The following WDR70 variants were observed in gnomAD, a reference collection of about 807,000 sequenced individuals.
The protein encoded by WDR70 is WD repeat domain 70.
In WDR70, 53 loss-of-function variants were observed where a neutral mutation model predicts 88.6. The ratio of observed to expected loss-of-function variants is 0.60; its 90% CI spans 0.48 to 0.75. The LOEUF is 0.75. WDR70 is among the 30% of genes least tolerant of loss of function. The pLI is 0.00. For missense variants in WDR70, 610 were observed against 823.2 expected, an observed-to-expected ratio of 0.74 and a Z score of 3.17; for synonymous variants, 280 against 270.0, an observed-to-expected ratio of 1.04 and a Z score of -0.36.
chr5:37,635,273 G>T (rs959787758), intron 10 of WDR70, among the ~76,000 whole-genome samples: 11 of 152,142 alleles, frequency 7.2e-5, no homozygotes, highest in Admixed American at 6.6e-5. Context: ...GTATGTGTGT[G>T]GACTGATTTT....
At chr5:37,627,003 CT>C (rs967306118) in intron 10 of WDR70, among the ~76,000 whole-genome samples, 3 of 151,920 alleles carry the variant, frequency 2.0e-5, no homozygotes, top group Non-Finnish European at 4.4e-5. Context: ...ATTTGAGTCT[CT>C]TTTTTTCTTT....
chr5:37,673,562 T>G (rs1412470495), intron 10 of WDR70, among the ~76,000 whole-genome samples: 1 of 149,004 alleles, frequency 6.7e-6, no homozygotes, highest in African/African-American at 2.5e-5. Flanking sequence ...CATGAGCGCC[T>G]GCTATTTTTT....
intron 17 of WDR70, among the ~76,000 whole-genome samples, chr5:37,728,922 A>T (rs1373694620): frequency 1.3e-5 from 2 of 151,954 alleles, no homozygotes; most frequent in African/African-American, 4.8e-5. Flanking sequence ...TTGGAATTCT[A>T]CCTAGAGGAA....
At position 37,696,202 on chromosome 5, in the gene WDR70, C is replaced by T. The variant is rs368443295; in HGVS notation, c.1093-1453C>T. ...TACAGTTGATATCCAATAAAAAAAC[C>T]GTTGAATCAATGAATTCTTTGTATC... On this transcript the variant is annotated intron_variant, in intron 10 of 17. Coordinates refer to ENST00000265107, the MANE Select transcript of WDR70 (RefSeq NM_018034.4). 3.2e-4 allele frequency among the ~76,000 whole-genome samples: 48 copies of T among 152,158 alleles called. 2 individuals are homozygous for T. The South Asian group carries it at 9.3e-3, about 30-fold the overall frequency.
At chr5:37,396,273 T>C in intron 4 of WDR70, 102 bp from the exon 5 acceptor site, 1 of 1,370,200 alleles carries the variant, frequency 7.3e-7, no homozygotes, top group Non-Finnish European at 9.5e-7. Context: ...AAATACCCAG[T>C]TGTTAATAGG....
intron 5 of WDR70, among the ~76,000 whole-genome samples, chr5:37,402,293 TTGTGTG>T (rs35565451): frequency 3.2e-3 from 78 of 24,510 alleles, no homozygotes; most frequent in South Asian, 5.4e-3. Flanking sequence ...CAGATAGTAT[TTGTGTG>T]TGTGTGTGTG....
chr5:37,379,433 C>G, intron 1 of WDR70, 41 bp downstream of exon 1: 2 of 1,613,658 alleles, frequency 1.2e-6, no homozygotes, highest in Non-Finnish European at 8.5e-7. Flanking sequence ...TGGGCCGTGT[C>G]GGGGGAGCTG....
intron 4 of WDR70, 152 bp downstream of exon 4, chr5:37,392,272 C>G: frequency 1.1e-6 from 1 of 899,302 alleles, no homozygotes; most frequent in Non-Finnish European, 1.6e-6. Context: ...TAACCTCCAT[C>G]TCCTGGGTTC....
chr5:37,558,763 G>A (rs965644151), intron 9 of WDR70, among the ~76,000 whole-genome samples: 9 of 152,016 alleles, frequency 5.9e-5, no homozygotes, highest in Non-Finnish European at 8.8e-5. Context: ...CCTCTATAGG[G>A]AAAGCAGGTT....
intron 5 of WDR70, among the ~76,000 whole-genome samples, chr5:37,428,748 GAT>G: frequency 6.6e-6 from 1 of 152,108 alleles, no homozygotes; most frequent in East Asian, 1.9e-4. Context: ...TCTTTTTGTA[GAT>G]ATATGTTTTT....
chr5:37,515,001 G>A (rs1740843447), intron 8 of WDR70, among the ~76,000 whole-genome samples: 1 of 149,244 alleles, frequency 6.7e-6, no homozygotes, highest in South Asian at 2.1e-4. Flanking sequence ...AGGTGACTGA[G>A]TGAGACCCCT....
chr5:37,540,083 T>C (rs952569629), intron 9 of WDR70, among the ~76,000 whole-genome samples: 2 of 152,214 alleles, frequency 1.3e-5, no homozygotes, highest in African/African-American at 4.8e-5. Flanking sequence ...TGATTCTTAT[T>C]TTCTTTTTGC....
At chr5:37,731,793 C>T (rs1208834442) in intron 17 of WDR70, among the ~76,000 whole-genome samples, 1 of 152,110 alleles carries the variant, frequency 6.6e-6, no homozygotes. Flanking sequence ...GCTGATTATT[C>T]ATTGATATTA....
At chr5:37,655,521 T>TGAA (rs1268910316) in intron 10 of WDR70, among the ~76,000 whole-genome samples, 1 of 152,176 alleles carries the variant, frequency 6.6e-6, no homozygotes, top group Non-Finnish European at 1.5e-5. Context: ...GATAACATCC[T>TGAA]GAAGAGTGTC....
chr5:37,534,631 G>C (rs558499212), intron 9 of WDR70, among the ~76,000 whole-genome samples: 10 of 151,842 alleles, frequency 6.6e-5, no homozygotes, highest in Admixed American at 5.3e-4. Context: ...CTGAGTAGCT[G>C]GGATTACAGG....
chr5:37,596,376 T>G (rs1187342550), intron 9 of WDR70, among the ~76,000 whole-genome samples: 1 of 152,190 alleles, frequency 6.6e-6, no homozygotes, highest in Non-Finnish European at 1.5e-5. Context: ...TACATTTCCT[T>G]TCTTCTCAAA....
chr5:37,716,941 G>A (rs1344129087), intron 13 of WDR70, among the ~76,000 whole-genome samples: 7 of 151,656 alleles, frequency 4.6e-5, no homozygotes, highest in Non-Finnish European at 7.4e-5. Flanking sequence ...CTTTCTCCCC[G>A]GCCTACCCCT....
chr5:37,457,690 A>T lies in WDR70; in HGVS notation c.686+14318A>T, dbSNP rs531088917. Among the ~76,000 whole-genome samples, 23 of 152,310 alleles carry T rather than the reference A, an allele frequency of 1.5e-4. No individual in the cohort carries two copies. In the South Asian group the frequency reaches 4.1e-3, roughly 27 times the overall value. ...TTTTTCAGCACAAGAGTCTGATAATATGTTCTTTTTCCTTTAAAAAAATTC... is the reference window on the plus strand; with the variant it reads ...TTTTTCAGCACAAGAGTCTGATAATTTGTTCTTTTTCCTTTAAAAAAATTC... On this transcript the variant is annotated intron_variant, in intron 7 of 17. Coordinates refer to ENST00000265107, the MANE Select transcript of WDR70 (RefSeq NM_018034.4).
intron 10 of WDR70, among the ~76,000 whole-genome samples, chr5:37,686,886 T>A (rs1746620803): frequency 6.7e-6 from 1 of 149,026 alleles, no homozygotes; most frequent in Non-Finnish European, 1.5e-5. Context: ...CACCTAAGAA[T>A]AAGAGGCCTA....
Sources: allele counts gnomAD v4.1 joint callset (sites outside exome capture counted in the v4.1 genomes callset), GRCh38; gene constraint gnomAD v4.1.1; transcripts MANE v1.5; gene names NCBI Gene and HGNC (gene_info 2026-07-23, HGNC 2026-07-21).